Variants in PCDH11X observed in about 807,000 individuals in gnomAD.
PCDH11X encodes protocadherin-11 X-linked.
In PCDH11X, 18 loss-of-function variants were observed where a neutral mutation model predicts 53.3. That is an observed-to-expected ratio of 0.34 (90% confidence interval 0.23 to 0.50). The LOEUF (loss-of-function observed/expected upper bound fraction) is 0.50, where lower values mean the gene tolerates loss of function less well. PCDH11X is among the 20% of genes least tolerant of loss of function. PCDH11X has a pLI of 0.98. For synonymous variants in PCDH11X, 279 were observed against 393.3 expected (o/e 0.71, Z 3.44); for missense variants, 570 against 1,032.4 (o/e 0.55, Z 6.14).
At chrX:92,394,596 A>G (rs2071203900) in intron 9 of PCDH11X, among the ~76,000 whole-genome samples, 1 of 111,210 alleles carries the variant, frequency 9.0e-6, no homozygotes, top group Non-Finnish European at 1.9e-5. Context: ...TTTTATGACA[A>G]CATTCTTTCT....
In PCDH11X at chrX:92,265,831, C is replaced by A. The variant is rs751533500; in HGVS notation, c.3144+2688C>A. On this transcript the variant is annotated intron_variant, in intron 8 of 10. Coordinates refer to ENST00000682573, the MANE Select transcript of PCDH11X (RefSeq NM_032968.5). ...ACAACTTGGAATCGTAAAACAAATA[C>A]TTTCTTTATATTAAAATAAGTGTTT... Among the ~76,000 whole-genome samples, 466 of 111,921 alleles carry A rather than the reference C, an allele frequency of 4.2e-3. 1 individual carries two copies. Among genetic ancestry groups the A allele is most frequent in the Non-Finnish European group, 7.6e-3 (402 of 53,183 alleles).
At chrX:92,484,275 GTA>G (rs764950723) in intron 10 of PCDH11X, among the ~76,000 whole-genome samples, 1,258 of 98,134 alleles carry the variant, frequency 0.013, 24 homozygotes, top group African/African-American at 0.044. Flanking sequence ...ATATGTGTAT[GTA>G]TATATATGTA....
chrX:91,909,997 C>T (rs149369493), intron 6 of PCDH11X, among the ~76,000 whole-genome samples: 42 of 111,467 alleles, frequency 3.8e-4, no homozygotes, highest in East Asian at 1.4e-3. Context: ...TCATGTTGTA[C>T]GTTAGGTCTC....
chrX:92,218,941 A>G (rs1234820352), intron 7 of PCDH11X, among the ~76,000 whole-genome samples: 4 of 111,798 alleles, frequency 3.6e-5, no homozygotes, highest in African/African-American at 9.7e-5. Flanking sequence ...ACCAAAGACA[A>G]AAACCACATG....
At chrX:92,406,703 C>T (rs2071524593) in intron 9 of PCDH11X, among the ~76,000 whole-genome samples, 1 of 97,683 alleles carries the variant, frequency 1.0e-5, no homozygotes, top group Admixed American at 1.2e-4. Flanking sequence ...GCAGGTGGAT[C>T]ACCTGAGGTC....
chrX:91,818,099 A>C (rs1936510813), intron 4 of PCDH11X, among the ~76,000 whole-genome samples: 1 of 111,791 alleles, frequency 8.9e-6, no homozygotes, highest in Non-Finnish European at 1.9e-5. Flanking sequence ...TTTATCAGCT[A>C]TAAAGAAATC....
At chrX:92,280,464 G>A (rs1280015190) in intron 8 of PCDH11X, among the ~76,000 whole-genome samples, 1 of 109,375 alleles carries the variant, frequency 9.1e-6, no homozygotes, top group Admixed American at 1.0e-4. Context: ...GGAGGTTGCA[G>A]TGAGCCAAGA....
intron 7 of PCDH11X, among the ~76,000 whole-genome samples, chrX:92,253,012 T>C (rs1475151126): frequency 9.1e-6 from 1 of 109,775 alleles, no homozygotes; most frequent in Non-Finnish European, 1.9e-5. Flanking sequence ...AGAATGAAGA[T>C]AGCAGCTGTA....
At chrX:91,972,941 T>C (rs2061986438) in intron 6 of PCDH11X, among the ~76,000 whole-genome samples, 1 of 111,041 alleles carries the variant, frequency 9.0e-6, no homozygotes, top group South Asian at 3.9e-4. Flanking sequence ...TTACTGGGTA[T>C]ATACCCAAAG....
intron 6 of PCDH11X, among the ~76,000 whole-genome samples, chrX:92,130,789 G>C (rs1004357778): frequency 1.8e-5 from 2 of 110,713 alleles, no homozygotes; most frequent in African/African-American, 6.6e-5. Context: ...ATTGCTTTGT[G>C]ATAAGAATAT....
intron 6 of PCDH11X, among the ~76,000 whole-genome samples, chrX:92,131,343 A>G (rs1186410030): frequency 9.0e-6 from 1 of 111,729 alleles, no homozygotes; most frequent in Non-Finnish European, 1.9e-5. Context: ...GAAAAAGAAA[A>G]TAAATGTTAA....
chrX:91,871,596 T>A (rs1414170344), intron 5 of PCDH11X, among the ~76,000 whole-genome samples: 1 of 109,709 alleles, frequency 9.1e-6, no homozygotes, highest in Non-Finnish European at 1.9e-5. Context: ...CACATGCATG[T>A]GTCAAAAATG....
At chrX:92,394,120 A>C (rs1396326819) in intron 9 of PCDH11X, among the ~76,000 whole-genome samples, 2 of 111,585 alleles carry the variant, frequency 1.8e-5, no homozygotes, top group African/African-American at 6.5e-5. Flanking sequence ...TTGTGAAGGC[A>C]ACAAAAGCTT....
chrX:92,300,477 TGTTG>T (rs1371901820), intron 8 of PCDH11X, among the ~76,000 whole-genome samples: 2 of 110,692 alleles, frequency 1.8e-5, no homozygotes, highest in Admixed American at 9.7e-5. Flanking sequence ...TTGTTGTTAT[TGTTG>T]GTTTGTTTGT....
chrX:92,246,624 T>G (rs776519950), intron 7 of PCDH11X, among the ~76,000 whole-genome samples: 5 of 111,864 alleles, frequency 4.5e-5, no homozygotes, highest in Non-Finnish European at 7.5e-5. Flanking sequence ...GTGCTGGGAT[T>G]ATAGGTGTAA....
intron 5 of PCDH11X, among the ~76,000 whole-genome samples, chrX:91,837,512 G>A (rs1432691529): frequency 3.6e-5 from 4 of 110,969 alleles, no homozygotes; most frequent in Non-Finnish European, 7.5e-5. Flanking sequence ...ACAGTTTTAT[G>A]CTTACCTCTT....
rs995308148 is a variant in PCDH11X at position 92,479,318 on chromosome X, C to T, written c.3367+10996C>T. Among the ~76,000 whole-genome samples the T allele has an allele frequency of 1.5e-4, 16 of 109,615 alleles. No homozygotes were observed. In the Admixed American group the frequency reaches 1.6e-3, roughly 11 times the overall value. On this transcript the variant is annotated intron_variant, in intron 10 of 10. Coordinates refer to ENST00000682573, the MANE Select transcript of PCDH11X (RefSeq NM_032968.5). Reference sequence around the variant, plus strand: ...GGTCTTGGTTCTTTATGCAACTTAACAGTCTGTGCCTTTTAATTGAGAGCA... The same window carrying T: ...GGTCTTGGTTCTTTATGCAACTTAATAGTCTGTGCCTTTTAATTGAGAGCA...
At chrX:91,950,594 A>G (rs1282308069) in intron 6 of PCDH11X, among the ~76,000 whole-genome samples, 3 of 76,905 alleles carry the variant, frequency 3.9e-5, no homozygotes, top group Non-Finnish European at 8.3e-5. Flanking sequence ...AATGTGATAT[A>G]TATATATATA....
chrX:91,838,279 G>A (rs758674135), intron 5 of PCDH11X, among the ~76,000 whole-genome samples: 1 of 111,665 alleles, frequency 9.0e-6, no homozygotes, highest in East Asian at 2.8e-4. Flanking sequence ...AAGATTGTCA[G>A]CAAATGACAA....
Sources: allele counts gnomAD v4.1 joint callset (sites outside exome capture counted in the v4.1 genomes callset), GRCh38; gene constraint gnomAD v4.1.1; transcripts MANE v1.5; gene names NCBI Gene and HGNC (gene_info 2026-07-23, HGNC 2026-07-21).